The following HNRNPR variants were observed in gnomAD, a reference collection of about 807,000 sequenced individuals.
The protein encoded by HNRNPR is heterogeneous nuclear ribonucleoprotein R.
In HNRNPR, 4 loss-of-function variants were observed where a neutral mutation model predicts 70.3. The ratio of observed to expected loss-of-function variants is 0.06; its 90% CI spans 0.03 to 0.13. HNRNPR has a LOEUF of 0.13. HNRNPR is among the 10% of genes least tolerant of loss of function. HNRNPR has a pLI of 1.00. For missense variants in HNRNPR, 423 were observed against 788.5 expected, an observed-to-expected ratio of 0.54 and a Z score of 5.55; for synonymous variants, 241 against 267.6, an observed-to-expected ratio of 0.90 and a Z score of 0.97.
intron 6 of HNRNPR, among the ~76,000 whole-genome samples, chr1:23,322,105 C>T (rs981588356): frequency 9.2e-5 from 14 of 152,088 alleles, no homozygotes; most frequent in Non-Finnish European, 5.9e-5. Flanking sequence ...ATTTCAAATT[C>T]TACAGAAGTC....
At chr1:23,324,139 C>T (rs968084529) in intron 5 of HNRNPR, among the ~76,000 whole-genome samples, 2 of 150,340 alleles carry the variant, frequency 1.3e-5, no homozygotes, top group African/African-American at 4.9e-5. Context: ...ATGGCAAAAC[C>T]CCATTTCTAT....
chr1:23,340,737 T>A (rs1646678301), intron 2 of HNRNPR, 115 bp downstream of exon 2: 1 of 828,976 alleles, frequency 1.2e-6, no homozygotes, highest in African/African-American at 1.7e-5. Context: ...GTAACAAACA[T>A]TCAGCTCTAC....
At chr1:23,325,020 G>A (rs1442240202) in intron 5 of HNRNPR, among the ~76,000 whole-genome samples, 1 of 151,332 alleles carries the variant, frequency 6.6e-6, no homozygotes, top group Admixed American at 6.6e-5. Context: ...GGCGCCTGTA[G>A]CCCCAGCTAC....
intron 7 of HNRNPR, among the ~76,000 whole-genome samples, chr1:23,319,747 T>C (rs1428109607): frequency 6.6e-6 from 1 of 152,348 alleles, no homozygotes; most frequent in Non-Finnish European, 1.5e-5. Flanking sequence ...CTTCATTTCA[T>C]ACAACTCTAC....
At chr1:23,315,279 CAAAAAA>C (rs1165980444) in intron 8 of HNRNPR, among the ~76,000 whole-genome samples, 1 of 35,376 alleles carries the variant, frequency 2.8e-5, no homozygotes, top group East Asian at 9.1e-4. Context: ...GGCTCCGTCT[CAAAAAA>C]AAAAAAAAAA....
intron 7 of HNRNPR, 49 bp downstream of exon 7, chr1:23,321,479 A>G (rs1183001601): frequency 2.0e-6 from 3 of 1,515,574 alleles, no homozygotes; most frequent in Non-Finnish European, 2.7e-6. Context: ...ACTTGTAAGT[A>G]GTACAACATA....
intron 7 of HNRNPR, among the ~76,000 whole-genome samples, chr1:23,319,270 A>C (rs890514698): frequency 1.3e-5 from 2 of 152,150 alleles, no homozygotes; most frequent in African/African-American, 4.8e-5. Context: ...AGACTTCTCT[A>C]AGCTCTAGAT....
At chr1:23,323,869 T>C in intron 5 of HNRNPR, 137 bp from the exon 6 acceptor site, 1 of 701,498 alleles carries the variant, frequency 1.4e-6, no homozygotes, top group Non-Finnish European at 2.5e-6. Flanking sequence ...AAACTTACAG[T>C]TGACTTGCAG....
In HNRNPR at chr1:23,321,628, A is replaced by G; in HGVS notation, c.711T>C (p.Leu237=). ...TGTTTGCCACAGAAATGCACACTCC[A>G]AGGTGTTTACCAGGGCGAATTTCAT... ...DSYEIRPGKH[L]GVCISVANNR... Residue 237 remains leucine (L), a synonymous_variant, in exon 7 of 11, where the codon CTT becomes CTC. Transcript: ENST00000302271. 3 of 1,612,558 alleles carry G rather than the reference A, an allele frequency of 1.9e-6. No individual in the cohort carries two copies. The highest frequency in any genetic ancestry group is 2.5e-6 in the Non-Finnish European group (3 of 1,179,076).
At chr1:23,315,279 C>CAAAAAAA (rs1165980444) in intron 8 of HNRNPR, among the ~76,000 whole-genome samples, 1 of 35,374 alleles carries the variant, frequency 2.8e-5, no homozygotes, top group Non-Finnish European at 6.2e-5. Flanking sequence ...GGCTCCGTCT[C>CAAAAAAA]AAAAAAAAAA....
chr1:23,315,161 C>T (rs1256730679), intron 8 of HNRNPR, among the ~76,000 whole-genome samples: 1 of 151,460 alleles, frequency 6.6e-6, no homozygotes, highest in African/African-American at 2.4e-5. Flanking sequence ...GCACCTATAA[C>T]CCCAGCTACT....
intron 5 of HNRNPR, among the ~76,000 whole-genome samples, chr1:23,326,833 C>T (rs2148409224): frequency 6.6e-6 from 1 of 152,264 alleles, no homozygotes; most frequent in Admixed American, 6.5e-5. Context: ...TCATCCTTGC[C>T]TTCTCTACAA....
At chr1:23,337,654 C>CAAAAAAAAAA in intron 4 of HNRNPR, 100 bp downstream of exon 4, 28 of 624,044 alleles carry the variant, frequency 4.5e-5, no homozygotes, top group African/African-American at 2.8e-4. Context: ...GACTCCGTCT[C>CAAAAAAAAAA]AAAAAAAAAA....
At chr1:23,325,379 ATC>A (rs2148401170) in intron 5 of HNRNPR, among the ~76,000 whole-genome samples, 1 of 152,330 alleles carries the variant, frequency 6.6e-6, no homozygotes, top group South Asian at 2.1e-4. Flanking sequence ...CAGATGTACT[ATC>A]TAGAGATAAT....
Position 23,310,219 on chromosome 1 carries a change from T to G in HNRNPR, c.*235A>C. 2.6e-6 allele frequency: 1 copy of G among 382,414 alleles called. No homozygotes were observed. Among genetic ancestry groups the G allele is most frequent in the Non-Finnish European group, 4.7e-6 (1 of 214,742 alleles). 23.7% of individuals were successfully genotyped at this position (382,414 alleles called of 1,614,324 possible). ...AATGAAGCCTGAAACGATAAAAGCA[T>G]TGTAATCCCCAGAATAAGGGAACTC... On this transcript the variant is annotated 3_prime_UTR_variant, in exon 11 of 11. Coordinates refer to ENST00000302271, the MANE Select transcript of HNRNPR (RefSeq NM_005826.5). This position sits in a 1 kb window ranked among gnomAD's most constrained non-coding sequence, Gnocchi z 6.0.
chr1:23,314,411 T>A (rs750260993), intron 8 of HNRNPR, among the ~76,000 whole-genome samples: 1 of 152,040 alleles, frequency 6.6e-6, no homozygotes, highest in Non-Finnish European at 1.5e-5. Flanking sequence ...AAAAATACTA[T>A]AAGCAAAGAC....
intron 8 of HNRNPR, among the ~76,000 whole-genome samples, chr1:23,315,686 A>G (rs562675059): frequency 2.6e-5 from 4 of 152,364 alleles, no homozygotes; most frequent in East Asian, 1.9e-4. Context: ...ACTTTTCTAT[A>G]TAACTTTTGA....
intron 1 of HNRNPR, among the ~76,000 whole-genome samples, chr1:23,342,367 G>C (rs1409801911): frequency 6.6e-6 from 1 of 152,130 alleles, no homozygotes; most frequent in Non-Finnish European, 1.5e-5. Flanking sequence ...AAATGCAAAG[G>C]ATTACTCTGA....
chr1:23,338,434 G>A, intron 3 of HNRNPR, 56 bp downstream of exon 3: 3 of 680,682 alleles, frequency 4.4e-6, no homozygotes, highest in Non-Finnish European at 7.2e-6. Context: ...AAAAGTAATA[G>A]TAAAATAATT....
Sources: allele counts gnomAD v4.1 joint callset (sites outside exome capture counted in the v4.1 genomes callset), GRCh38; gene constraint gnomAD v4.1.1; non-coding constraint Gnocchi (gnomAD v3.1); transcripts MANE v1.5; gene names NCBI Gene and HGNC (gene_info 2026-07-23, HGNC 2026-07-21).